Variants in SDK1 observed in about 807,000 individuals in gnomAD.
SDK1 encodes the protein protein sidekick-1.
Under a neutral mutation model 245.5 loss-of-function variants are expected in SDK1, and 157 were observed. That is an observed-to-expected ratio of 0.64 (90% CI 0.56 to 0.73). The LOEUF is 0.73. Ranked by LOEUF, SDK1 falls within the 30% of genes least tolerant of loss-of-function variation. The probability of loss-of-function intolerance (pLI) is 0.00; values close to 1 mark genes in which losing one functional copy is unlikely to be tolerated. For synonymous variants in SDK1, 1,647 were observed against 1,278.5 expected (o/e 1.29, Z -6.15); for missense variants, 3,583 against 3,002.3 (o/e 1.19, Z -4.52).
At chr7:3,751,644 CAAAAG>C (rs1207533769) in intron 4 of SDK1, among the ~76,000 whole-genome samples, 1 of 152,162 alleles carries the variant, frequency 6.6e-6, no homozygotes, top group Non-Finnish European at 1.5e-5. Context: ...TCCTTTTTCT[CAAAAG>C]AAACCATTTA....
chr7:4,077,186 C>T lies in SDK1; in HGVS notation c.3199C>T (p.Pro1067Ser), dbSNP rs759595487. Residue 1067 changes from proline to serine, a missense_variant, in exon 21 of 45, where the codon CCA (proline) becomes TCA (serine). By Grantham distance (74) the Pro-to-Ser change is moderately conservative. Coordinates refer to ENST00000404826, the MANE Select transcript of SDK1 (RefSeq NM_152744.4). ...ATCCACCATTTCTTCTGGAGTGCCC[C>T]CAGGTCAGTAGAATCGTGTGCGGTC... ...TSSTISSGVP[P>S]DLPGAPSNLV... is the part of the protein sequence containing the mutation. The T allele has an allele frequency of 1.2e-6, 2 of 1,613,856 alleles. No individual in the cohort carries two copies. The highest frequency in any genetic ancestry group is 2.7e-5 in the African/African-American group (2 of 74,906).
chr7:3,423,644 C>T (rs1036224987), intron 1 of SDK1, among the ~76,000 whole-genome samples: 5 of 150,928 alleles, frequency 3.3e-5, no homozygotes, highest in African/African-American at 1.2e-4. Context: ...CCAGGTAGGA[C>T]TGTGCTATGT....
intron 1 of SDK1, among the ~76,000 whole-genome samples, chr7:3,547,383 G>A (rs1311686549): frequency 7.2e-5 from 11 of 152,140 alleles, no homozygotes; most frequent in Non-Finnish European, 1.3e-4. Flanking sequence ...CTTACCTTGG[G>A]CAAAGACTGT....
intron 1 of SDK1, among the ~76,000 whole-genome samples, chr7:3,497,101 C>T (rs6949255): frequency 0.017 from 2,584 of 152,220 alleles, 86 homozygotes; most frequent in African/African-American, 0.06. Context: ...TATTAACAGA[C>T]AAGACAGTGC....
intron 5 of SDK1, among the ~76,000 whole-genome samples, chr7:3,885,592 C>G (rs545925788): frequency 2.0e-5 from 3 of 152,308 alleles, no homozygotes; most frequent in South Asian, 4.1e-4. Flanking sequence ...CTTCCTCCCT[C>G]TTGATGGTGT....
At chr7:4,148,258 A>T (rs1780119832) in intron 29 of SDK1, among the ~76,000 whole-genome samples, 1 of 152,238 alleles carries the variant, frequency 6.6e-6, no homozygotes, top group Admixed American at 6.5e-5. Context: ...GGGGGCCGAC[A>T]ATCAATTGCA....
intron 1 of SDK1, among the ~76,000 whole-genome samples, chr7:3,492,723 C>T (rs1164554792): frequency 6.6e-6 from 1 of 152,136 alleles, no homozygotes; most frequent in African/African-American, 2.4e-5. Context: ...CCCTGACAAC[C>T]TGTTAAGTTT....
At chr7:4,130,672 A>T (rs1048824119) in intron 27 of SDK1, among the ~76,000 whole-genome samples, 1 of 152,190 alleles carries the variant, frequency 6.6e-6, no homozygotes, top group Admixed American at 6.5e-5. Context: ...AATCACAAGG[A>T]CGCCTTGCCA....
rs577513063 is a variant in SDK1 at position 3,625,866 on chromosome 7, G to T, written c.458+6627G>T. On this transcript the variant is annotated intron_variant, in intron 2 of 44. Transcript: ENST00000404826. ...CGCCACCATAAAGCTACTCAGGGCT[G>T]CCTGGAAGTGTTGACCACAGCAGCA... Among the ~76,000 whole-genome samples, 3 of 152,150 alleles carry T rather than the reference G, an allele frequency of 2.0e-5. No individual in the cohort carries two copies. The South Asian group carries it at 6.2e-4, about 32-fold the overall frequency.
At chr7:3,773,452 T>A (rs1446188386) in intron 4 of SDK1, among the ~76,000 whole-genome samples, 1 of 152,170 alleles carries the variant, frequency 6.6e-6, no homozygotes, top group Non-Finnish European at 1.5e-5. Context: ...CTTGGCTTTC[T>A]CCACATCTGC....
At chr7:3,390,451 G>C (rs1199215914) in intron 1 of SDK1, among the ~76,000 whole-genome samples, 1 of 152,136 alleles carries the variant, frequency 6.6e-6, no homozygotes, top group Admixed American at 6.6e-5. Flanking sequence ...TGATCTGGAA[G>C]CATCTTTCCT....
intron 5 of SDK1, among the ~76,000 whole-genome samples, chr7:3,918,960 C>CTAT (rs938460428): frequency 6.6e-6 from 1 of 152,164 alleles, no homozygotes; most frequent in African/African-American, 2.4e-5. Context: ...ATTCTTCTAT[C>CTAT]TATTATTATT....
intron 5 of SDK1, among the ~76,000 whole-genome samples, chr7:3,903,540 A>G (rs534724170): frequency 6.6e-6 from 1 of 152,330 alleles, no homozygotes; most frequent in South Asian, 2.1e-4. Context: ...AAAAGGGTAC[A>G]GCTGCTGTGG....
At chr7:4,037,304 C>T (rs1788291430) in intron 17 of SDK1, among the ~76,000 whole-genome samples, 5 of 152,094 alleles carry the variant, frequency 3.3e-5, no homozygotes, top group Admixed American at 2.0e-4. Flanking sequence ...TGATGTGTAG[C>T]GTGAGTCTGA....
rs1037839690 is a variant in SDK1 at position 4,119,937 on chromosome 7, C to T, written c.3823+5663C>T. 4.0e-5 allele frequency among the ~76,000 whole-genome samples: 6 copies of T among 148,620 alleles called. 1 individual carries two copies. The highest frequency in any genetic ancestry group is 6.7e-5 in the Admixed American group (1 of 14,948). On this transcript the variant is annotated intron_variant, in intron 25 of 44. Transcript: ENST00000404826. ...TTATTAAAGTCTTAGTAAAATAAAGCGTTAACATTTTAAGTAAAGATTAAG... is the reference window on the plus strand; with the variant it reads ...TTATTAAAGTCTTAGTAAAATAAAGTGTTAACATTTTAAGTAAAGATTAAG...
At chr7:3,413,673 C>T (rs1006539985) in intron 1 of SDK1, among the ~76,000 whole-genome samples, 3 of 151,894 alleles carry the variant, frequency 2.0e-5, no homozygotes, top group Admixed American at 6.6e-5. Flanking sequence ...GGCAACAGAG[C>T]GAAACTTCAT....
intron 1 of SDK1, among the ~76,000 whole-genome samples, chr7:3,391,902 C>T (rs55940354): frequency 0.45 from 67,942 of 151,004 alleles, 17,269 homozygotes; most frequent in East Asian, 0.61. Flanking sequence ...GTGATGGGAT[C>T]ACAGGTGTCA....
intron 1 of SDK1, among the ~76,000 whole-genome samples, chr7:3,319,193 A>T (rs1399882129): frequency 3.3e-5 from 5 of 152,168 alleles, no homozygotes; most frequent in African/African-American, 7.2e-5. Flanking sequence ...AACTGGAAGA[A>T]CTGTCTCCCT....
chr7:3,314,833 C>T (rs1343967515), intron 1 of SDK1, among the ~76,000 whole-genome samples: 1 of 152,016 alleles, frequency 6.6e-6, no homozygotes, highest in East Asian at 1.9e-4. Flanking sequence ...TGCTTTACTT[C>T]AAAAATTGCT....
Sources: allele counts gnomAD v4.1 joint callset (sites outside exome capture counted in the v4.1 genomes callset), GRCh38; gene constraint gnomAD v4.1.1; transcripts MANE v1.5; gene names NCBI Gene and HGNC (gene_info 2026-07-23, HGNC 2026-07-21).